The following TICAM2 variants were observed in gnomAD, a reference collection of about 807,000 sequenced individuals.
The protein encoded by TICAM2 is TIR domain containing adaptor molecule 2.
A neutral mutation model predicts 7.3 loss-of-function variants in TICAM2; 8 were observed. The observed-to-expected ratio is 1.10, with a 90% CI of 0.65 to 1.99. TICAM2 has a LOEUF of 1.99. TICAM2 is among the 30% of genes most tolerant of loss of function. The pLI is 0.00. For synonymous variants in TICAM2, 113 were observed against 99.6 expected, an observed-to-expected ratio of 1.13 and a Z score of -0.80; for missense variants, 304 against 278.8, an observed-to-expected ratio of 1.09 and a Z score of -0.65.
chr5:115,589,693 T>C (rs1277055441), intron 1 of TICAM2, among the ~76,000 whole-genome samples: 1 of 152,244 alleles, frequency 6.6e-6, no homozygotes, highest in Non-Finnish European at 1.5e-5. Context: ...GCACTCTGTA[T>C]CTTTCCTTCA....
Position 115,581,330 on chromosome 5 carries a change from A to G in TICAM2, c.-59-15T>C. The G allele has an allele frequency of 6.3e-7, 1 of 1,577,186 alleles. No individual in the cohort carries two copies. Among genetic ancestry groups the G allele is most frequent in the African/African-American group, 1.4e-5 (1 of 73,658 alleles). ...TTCTTTTCAATCTAAAAGAAGTAAC[A>G]AAACAGAAGAATATTATAAATTTAA... is the stretch of plus-strand genomic sequence containing the variant. On this transcript the variant is annotated splice_polypyrimidine_tract_variant and intron_variant, in intron 1 of 1. Coordinates refer to ENST00000427199, the MANE Select transcript of TICAM2 (RefSeq NM_021649.7).
rs1235373889 is a variant in TICAM2 at position 115,578,867 on chromosome 5, C to T, written c.*1682G>A. The stretch of plus-strand genomic sequence containing the variant: ...TTAAGGCTAAGAAAATGTCACTATG[C>T]AATGAAAACCATCTCCTCCTCTAAT... On this transcript the variant is annotated 3_prime_UTR_variant, in exon 2 of 2. Coordinates refer to ENST00000427199, the MANE Select transcript of TICAM2 (RefSeq NM_021649.7). 2 of 152,294 alleles carry T rather than the reference C, an allele frequency of 1.3e-5. No homozygotes were observed. Among genetic ancestry groups the T allele is most frequent in the Admixed American group, 1.3e-4 (2 of 15,258 alleles). 9.4% of individuals were successfully genotyped at this position (152,294 alleles called of 1,614,324 possible).
Position 115,587,235 on chromosome 5 carries a change from T to C in TICAM2, c.-59-5920A>G, listed in dbSNP as rs558611587. ...ATGCTGGCAGACAGATAGCCCCTGGTAGGTGTTAAATGCGAGTGATCTGAT... is the reference window on the plus strand; with the variant it reads ...ATGCTGGCAGACAGATAGCCCCTGGCAGGTGTTAAATGCGAGTGATCTGAT... On this transcript the variant is annotated intron_variant, in intron 1 of 1. Transcript: ENST00000427199. Among the ~76,000 whole-genome samples, 403 of 152,252 alleles carry C rather than the reference T, an allele frequency of 2.6e-3. 1 individual carries two copies. Among genetic ancestry groups the C allele is most frequent in the African/African-American group, 9.1e-3 (380 of 41,536 alleles).
chr5:115,592,196 C>A (rs775166388), intron 1 of TICAM2, among the ~76,000 whole-genome samples: 19 of 152,162 alleles, frequency 1.2e-4, no homozygotes, highest in Admixed American at 5.2e-4. Flanking sequence ...AAAATGGGAT[C>A]TCAGTGATGA....
At chr5:115,585,220 C>A (rs1755059533) in intron 1 of TICAM2, among the ~76,000 whole-genome samples, 1 of 152,124 alleles carries the variant, frequency 6.6e-6, no homozygotes, top group Non-Finnish European at 1.5e-5. Flanking sequence ...ATAGTAAGTA[C>A]TCAATAAACA....
intron 1 of TICAM2, among the ~76,000 whole-genome samples, chr5:115,597,763 C>T (rs969100730): frequency 5.3e-5 from 8 of 152,142 alleles, no homozygotes; most frequent in African/African-American, 1.7e-4. Flanking sequence ...GTCCCACAGT[C>T]AGCCTGCAGA....
At chr5:115,590,827 C>G (rs1194246196) in intron 1 of TICAM2, among the ~76,000 whole-genome samples, 2 of 152,160 alleles carry the variant, frequency 1.3e-5, no homozygotes, top group Non-Finnish European at 1.5e-5. Flanking sequence ...AGTTATTTAA[C>G]TCTCTATTAT....
Position 115,587,123 on chromosome 5 carries a change from A to T in TICAM2, c.-59-5808T>A, listed in dbSNP as rs1007159112. ...AGGAGGCAGAAGAGGAAGGGAAAGAAGTAAGAGCAGGGGAAAGGTAAAGTA... is the reference window on the plus strand; with the variant it reads ...AGGAGGCAGAAGAGGAAGGGAAAGATGTAAGAGCAGGGGAAAGGTAAAGTA... On this transcript the variant is annotated intron_variant, in intron 1 of 1. Transcript: ENST00000427199. Among the ~76,000 whole-genome samples the T allele has an allele frequency of 2.6e-5, 4 of 152,308 alleles. No individual in the cohort carries two copies. The East Asian group carries it at 7.7e-4, about 29-fold the overall frequency.
chr5:115,600,450 G>GA (rs2112526930), intron 1 of TICAM2, among the ~76,000 whole-genome samples: 1 of 152,262 alleles, frequency 6.6e-6, no homozygotes, highest in Non-Finnish European at 1.5e-5. Flanking sequence ...AGTATGGCTA[G>GA]AAAAATATGG....
chr5:115,601,856 T>C (rs1304922479), intron 1 of TICAM2, among the ~76,000 whole-genome samples: 1 of 152,190 alleles, frequency 6.6e-6, no homozygotes, highest in Non-Finnish European at 1.5e-5. Context: ...GGTTTTCTAG[T>C]CAAAATGAAA....
intron 1 of TICAM2, among the ~76,000 whole-genome samples, chr5:115,594,066 T>C (rs1407576238): frequency 2.0e-5 from 3 of 152,256 alleles, no homozygotes; most frequent in Non-Finnish European, 4.4e-5. Flanking sequence ...ATGAGTATCA[T>C]GCTTGGTCCT....
chr5:115,591,989 G>A (rs1755321874), intron 1 of TICAM2, among the ~76,000 whole-genome samples: 1 of 152,088 alleles, frequency 6.6e-6, no homozygotes, highest in Non-Finnish European at 1.5e-5. Context: ...CTTCAACACA[G>A]TAAAACTGCT....
At position 115,578,594 on chromosome 5, in the gene TICAM2, A is replaced by C. The variant is rs1180875179; in HGVS notation, c.*1955T>G. ...AAGTACAAATCGATGCTTCATTTCA[A>C]AACACTCTTCCACAATCTTCATTGG... On this transcript the variant is annotated 3_prime_UTR_variant, in exon 2 of 2. Transcript: ENST00000427199. 1 of 152,162 alleles carries C rather than the reference A, an allele frequency of 6.6e-6. No individual in the cohort carries two copies. The highest frequency in any genetic ancestry group is 2.4e-5 in the African/African-American group (1 of 41,424). 9.4% of individuals were successfully genotyped at this position (152,162 alleles called of 1,614,324 possible).
Position 115,580,434 on chromosome 5 carries a change from T to C in TICAM2, c.*115A>G. The C allele has an allele frequency of 7.8e-7, 1 of 1,288,262 alleles. No individual in the cohort carries two copies. Among genetic ancestry groups the C allele is most frequent in the Non-Finnish European group, 1.0e-6 (1 of 990,558 alleles). The allele number at this position is 1,288,262 out of a possible 1,614,324, so 79.8% of individuals were successfully genotyped here. A position where few individuals can be genotyped will look rare whatever the true frequency, so the allele number is the denominator to read the frequency against. ...TTATCTTTCTTGTGCTCCATAGGTT[T>C]CTTTAAGGTGAAGACTCTCTTTTAT... On this transcript the variant is annotated 3_prime_UTR_variant, in exon 2 of 2. Coordinates refer to ENST00000427199, the MANE Select transcript of TICAM2 (RefSeq NM_021649.7).
intron 1 of TICAM2, among the ~76,000 whole-genome samples, chr5:115,594,049 C>G (rs1755414187): frequency 6.6e-6 from 1 of 152,130 alleles, no homozygotes; most frequent in Non-Finnish European, 1.5e-5. Flanking sequence ...AAACAATTTT[C>G]AAAAATATGA....
intron 1 of TICAM2, among the ~76,000 whole-genome samples, chr5:115,585,364 CCAGT>C (rs1405071179): frequency 6.6e-6 from 1 of 152,138 alleles, no homozygotes; most frequent in Non-Finnish European, 1.5e-5. Flanking sequence ...CTGTTTCTTA[CCAGT>C]CAATGAGGAG....
intron 1 of TICAM2, among the ~76,000 whole-genome samples, chr5:115,586,970 G>C (rs1392652048): frequency 1.3e-5 from 2 of 152,278 alleles, no homozygotes; most frequent in Middle Eastern, 3.4e-3. Context: ...ACCCTTGCAA[G>C]ACAAAGACAG....
rs899236349 is a variant in TICAM2 at position 115,579,456 on chromosome 5, T to C, written c.*1093A>G. ...AGAGGGCTTTTCTCATTACATGACA[T>C]GACCCATTCTCCACCCCATCCCTGA... On this transcript the variant is annotated 3_prime_UTR_variant, in exon 2 of 2. Transcript: ENST00000427199. 9 of 152,358 alleles carry C rather than the reference T, an allele frequency of 5.9e-5. No individual in the cohort carries two copies. The highest frequency in any genetic ancestry group is 1.9e-4 in the African/African-American group (8 of 41,582). The allele number at this position is 152,358 out of a possible 1,614,324, so 9.4% of individuals were successfully genotyped here. A position where few individuals can be genotyped will look rare whatever the true frequency, so the allele number is the denominator to read the frequency against.
At position 115,588,553 on chromosome 5, in the gene TICAM2, A is replaced by G. The variant is rs143127117; in HGVS notation, c.-59-7238T>C. The stretch of plus-strand genomic sequence containing the variant: ...AGTGTCCATGATGTTAATTAGCCAA[A>G]GTGGTGTTCTGTAGATCTGCTGCAG... On this transcript the variant is annotated intron_variant, in intron 1 of 1. Transcript: ENST00000427199. 8.8e-3 allele frequency among the ~76,000 whole-genome samples: 1,345 copies of G among 152,288 alleles called. 10 individuals are homozygous for G. Among genetic ancestry groups the G allele is most frequent in the Non-Finnish European group, 0.015 (1,038 of 68,008 alleles).
Sources: allele counts gnomAD v4.1 joint callset (sites outside exome capture counted in the v4.1 genomes callset), GRCh38; gene constraint gnomAD v4.1.1; transcripts MANE v1.5; gene names NCBI Gene and HGNC (gene_info 2026-07-23, HGNC 2026-07-21).